RABGAP1L: variants seen among roughly 807,000 people sequenced by gnomAD.
RABGAP1L encodes the protein rab GTPase-activating protein 1-like.
RABGAP1L carries 63 observed loss-of-function variants against 137.7 expected under a neutral mutation model. The ratio of observed to expected loss-of-function variants is 0.46; its 90% CI spans 0.37 to 0.56. The LOEUF is 0.56. Among genes scored for constraint, RABGAP1L ranks in the 20% least tolerant of loss-of-function variants. The probability of loss-of-function intolerance (pLI) is 0.00; values close to 1 mark genes in which losing one functional copy is unlikely to be tolerated. For missense variants in RABGAP1L, 1,095 were observed against 1,244.0 expected, an observed-to-expected ratio of 0.88 and a Z score of 1.80; for synonymous variants, 431 against 433.7, an observed-to-expected ratio of 0.99 and a Z score of 0.08.
At chr1:174,432,260 C>T (rs1652725189) in intron 13 of RABGAP1L, among the ~76,000 whole-genome samples, 1 of 152,112 alleles carries the variant, frequency 6.6e-6, no homozygotes, top group Admixed American at 6.5e-5. Flanking sequence ...AGCCTCTGGT[C>T]GCATCCATTC....
At chr1:174,860,228 G>A (rs1650056596) in intron 19 of RABGAP1L, among the ~76,000 whole-genome samples, 1 of 151,996 alleles carries the variant, frequency 6.6e-6, no homozygotes, top group Non-Finnish European at 1.5e-5. Flanking sequence ...ATTAGAAATT[G>A]TATCCTGGCA....
chr1:174,457,202 A>ATC (rs1656128610), intron 13 of RABGAP1L, among the ~76,000 whole-genome samples: 1 of 152,204 alleles, frequency 6.6e-6, no homozygotes, highest in Admixed American at 6.6e-5. Context: ...GTTCTAAAGG[A>ATC]TACCACAGGA....
At chr1:174,180,326 C>A (rs724889) in intron 1 of RABGAP1L, among the ~76,000 whole-genome samples, 1 of 151,974 alleles carries the variant, frequency 6.6e-6, no homozygotes, top group Admixed American at 6.6e-5. Context: ...TCTTTACTGC[C>A]GCTTTATATG....
intron 14 of RABGAP1L, among the ~76,000 whole-genome samples, chr1:174,670,422 T>A (rs1046498403): frequency 6.6e-6 from 1 of 152,174 alleles, no homozygotes; most frequent in African/African-American, 2.4e-5. Flanking sequence ...TTAGTTATTT[T>A]AAAATGTACA....
chr1:174,218,139 G>A lies in RABGAP1L; in HGVS notation c.-33-986G>A, dbSNP rs149727299. ...GGTTCTTTTTTGTCTTTCAGGTTTA[G>A]GCTCAGATATTTTCCTCTCAGAGAG... On this transcript the variant is annotated intron_variant, in intron 1 of 25. Coordinates refer to ENST00000681986, the MANE Select transcript of RABGAP1L (RefSeq NM_001366446.1). 3.0e-4 allele frequency among the ~76,000 whole-genome samples: 45 copies of A among 152,118 alleles called. 1 individual carries two copies. The East Asian group carries it at 8.3e-3, about 28-fold the overall frequency.
chr1:174,486,005 ATTG>A (rs1322540058), intron 13 of RABGAP1L, among the ~76,000 whole-genome samples: 1 of 151,908 alleles, frequency 6.6e-6, no homozygotes, highest in Admixed American at 6.6e-5. Flanking sequence ...CAGCTTTGGT[ATTG>A]TTGTTTGTTA....
intron 18 of RABGAP1L, among the ~76,000 whole-genome samples, chr1:174,785,900 A>G (rs1224919877): frequency 1.3e-5 from 2 of 152,346 alleles, no homozygotes; most frequent in East Asian, 3.9e-4. Flanking sequence ...GTAACATCCC[A>G]TGATCAGAGC....
At chr1:174,495,331 TC>T (rs1259780787) in intron 13 of RABGAP1L, among the ~76,000 whole-genome samples, 1 of 152,016 alleles carries the variant, frequency 6.6e-6, no homozygotes, top group Non-Finnish European at 1.5e-5. Context: ...ATACTTTTTT[TC>T]CCCCCAAGTT....
chr1:174,241,403 A>C, intron 4 of RABGAP1L, 80 bp from the exon 5 acceptor site: 5 of 968,698 alleles, frequency 5.2e-6, no homozygotes, highest in Non-Finnish European at 7.2e-6. Flanking sequence ...TTTTTTTTTA[A>C]AAAAAAAAAC....
chr1:174,909,746 T>C (rs1233084440), intron 19 of RABGAP1L, among the ~76,000 whole-genome samples: 1 of 152,182 alleles, frequency 6.6e-6, no homozygotes, highest in Non-Finnish European at 1.5e-5. Context: ...GAGACTGTTA[T>C]GAACAACCTG....
At chr1:174,926,012 C>T (rs1191338223) in intron 19 of RABGAP1L, among the ~76,000 whole-genome samples, 6 of 149,720 alleles carry the variant, frequency 4.0e-5, no homozygotes, top group East Asian at 2.0e-4. Flanking sequence ...TACAGGTGTG[C>T]GCCACCATAC....
Position 174,978,828 on chromosome 1 carries a change from C to T in RABGAP1L, c.2671C>T (p.Gln891Ter). The T allele has an allele frequency of 6.5e-7, 1 of 1,542,938 alleles. No homozygotes were observed. The highest frequency in any genetic ancestry group is 8.7e-7 in the Non-Finnish European group (1 of 1,144,618). ...TAQLKEVFRK[Q>*]LEKAEYEIKK... ...CTAGCTAAAAGAAGTCTTCAGGAAACAGCTAGAGAAGGCAGAATATGAAAT... is the reference window on the plus strand; with the variant it reads ...CTAGCTAAAAGAAGTCTTCAGGAAATAGCTAGAGAAGGCAGAATATGAAAT... Residue 891 changes from glutamine (Q) to a stop codon, truncating the protein, a stop_gained, in exon 23 of 26, where the codon CAG becomes TAG. Transcript: ENST00000681986. LOFTEE classifies it high-confidence loss of function.
At chr1:174,825,655 G>A (rs540348133) in intron 19 of RABGAP1L, among the ~76,000 whole-genome samples, 221 of 152,320 alleles carry the variant, frequency 1.5e-3, no homozygotes, top group African/African-American at 5.1e-3. Flanking sequence ...AGGCCAAGGT[G>A]GTGGATCACT....
chr1:174,367,241 C>T (rs1168578281), intron 11 of RABGAP1L: 1 of 152,374 alleles, frequency 6.6e-6, no homozygotes, highest in African/African-American at 2.4e-5. Flanking sequence ...GGGGAACACC[C>T]GTTGGAACTT....
chr1:174,630,256 T>C (rs1288744077), intron 13 of RABGAP1L, among the ~76,000 whole-genome samples: 1 of 131,446 alleles, frequency 7.6e-6, no homozygotes, highest in Admixed American at 8.1e-5. Context: ...TTGATCATGG[T>C]GGATAAGCTT....
chr1:174,601,453 A>T (rs941464508), intron 13 of RABGAP1L, among the ~76,000 whole-genome samples: 2 of 151,986 alleles, frequency 1.3e-5, no homozygotes, highest in Non-Finnish European at 2.9e-5. Context: ...CAATGAAAAC[A>T]CTTGGACATA....
chr1:174,520,545 C>T (rs1663272041), intron 13 of RABGAP1L, among the ~76,000 whole-genome samples: 1 of 152,230 alleles, frequency 6.6e-6, no homozygotes, highest in Admixed American at 6.5e-5. Context: ...CATAACTCTA[C>T]TTCACATTTG....
intron 11 of RABGAP1L, among the ~76,000 whole-genome samples, chr1:174,350,016 C>G (rs1682961781): frequency 8.4e-6 from 1 of 119,736 alleles, no homozygotes; most frequent in African/African-American, 3.1e-5. Context: ...AGGGGCTCCT[C>G]ACTTCCCAGT....
At chr1:174,856,784 G>A (rs183847025) in intron 19 of RABGAP1L, among the ~76,000 whole-genome samples, 4 of 151,998 alleles carry the variant, frequency 2.6e-5, no homozygotes, top group South Asian at 2.1e-4. Flanking sequence ...AAAATTAGCC[G>A]GGCGTGCTGG....
Sources: allele counts gnomAD v4.1 joint callset (sites outside exome capture counted in the v4.1 genomes callset), GRCh38; gene constraint gnomAD v4.1.1; transcripts MANE v1.5; gene names NCBI Gene and HGNC (gene_info 2026-07-23, HGNC 2026-07-21).